MCTP1: variants seen among roughly 807,000 people sequenced by gnomAD.
MCTP1 encodes multiple C2 and transmembrane domain-containing protein 1.
Under a neutral mutation model 120.6 loss-of-function variants are expected in MCTP1, and 69 were observed. The observed-to-expected ratio is 0.57, with a 90% CI of 0.47 to 0.70. The LOEUF (loss-of-function observed/expected upper bound fraction) is 0.70, where lower values mean the gene tolerates loss of function less well. Among genes scored for constraint, MCTP1 ranks in the 30% least tolerant of loss-of-function variants. MCTP1 has a pLI of 0.00. For synonymous variants in MCTP1, 529 were observed against 493.1 expected (o/e 1.07, Z -0.96); for missense variants, 1,203 against 1,248.8 (o/e 0.96, Z 0.55).
At chr5:94,992,642 T>C (rs1477477467) in intron 2 of MCTP1, among the ~76,000 whole-genome samples, 2 of 152,142 alleles carry the variant, frequency 1.3e-5, no homozygotes, top group East Asian at 3.9e-4. Context: ...TCTTTGGGAG[T>C]AGGGCTTAAC....
At chr5:95,183,143 A>G (rs192509369) in intron 1 of MCTP1, among the ~76,000 whole-genome samples, 2 of 152,274 alleles carry the variant, frequency 1.3e-5, no homozygotes, top group East Asian at 3.9e-4. Context: ...AGATCCATAC[A>G]TAAGTGGTTA....
At chr5:95,047,597 G>A (rs1477657157) in intron 1 of MCTP1, among the ~76,000 whole-genome samples, 1 of 151,962 alleles carries the variant, frequency 6.6e-6, no homozygotes, top group Non-Finnish European at 1.5e-5. Flanking sequence ...GAAGATGAAA[G>A]GCCATTATTA....
At chr5:94,816,548 A>G (rs980067340) in intron 17 of MCTP1, among the ~76,000 whole-genome samples, 11 of 152,306 alleles carry the variant, frequency 7.2e-5, no homozygotes, top group Admixed American at 4.6e-4. Context: ...TAAAATTATT[A>G]CCATGAAAGA....
At chr5:94,773,503 C>A (rs1774570276) in intron 19 of MCTP1, among the ~76,000 whole-genome samples, 1 of 152,128 alleles carries the variant, frequency 6.6e-6, no homozygotes, top group South Asian at 2.1e-4. Context: ...ATAGATATAT[C>A]ATGATAGTCT....
intron 1 of MCTP1, among the ~76,000 whole-genome samples, chr5:95,143,652 C>T (rs572798458): frequency 7.2e-5 from 11 of 152,228 alleles, no homozygotes; most frequent in Admixed American, 2.6e-4. Context: ...TGAGTACATG[C>T]GGCATTTGGT....
At chr5:95,007,545 G>A (rs1835013344) in intron 2 of MCTP1, among the ~76,000 whole-genome samples, 2 of 152,082 alleles carry the variant, frequency 1.3e-5, no homozygotes, top group Admixed American at 1.3e-4. Context: ...TACATTCTAA[G>A]GATAAAATTG....
At chr5:95,237,340 G>A (rs1755659674) in intron 1 of MCTP1, among the ~76,000 whole-genome samples, 1 of 152,172 alleles carries the variant, frequency 6.6e-6, no homozygotes, top group Admixed American at 6.5e-5. Flanking sequence ...TGGTGCAAAA[G>A]TAACCATTAA....
At chr5:95,082,238 T>A (rs904360413) in intron 1 of MCTP1, among the ~76,000 whole-genome samples, 1 of 152,134 alleles carries the variant, frequency 6.6e-6, no homozygotes, top group Non-Finnish European at 1.5e-5. Context: ...CAACTCAGGG[T>A]CCCCTTTTAT....
chr5:94,787,826 C>T (rs1325179941), intron 18 of MCTP1, among the ~76,000 whole-genome samples: 4 of 152,100 alleles, frequency 2.6e-5, no homozygotes, highest in African/African-American at 9.7e-5. Context: ...CTGGGTTAGC[C>T]AGGCACTTAC....
intron 1 of MCTP1, among the ~76,000 whole-genome samples, chr5:95,257,483 TG>T (rs1262825102): frequency 2.6e-5 from 4 of 152,172 alleles, no homozygotes; most frequent in African/African-American, 7.2e-5. Flanking sequence ...ATGCCTACAT[TG>T]TTTTTTTAAT....
intron 1 of MCTP1, among the ~76,000 whole-genome samples, chr5:95,109,348 A>C (rs1757300534): frequency 6.6e-6 from 1 of 152,208 alleles, no homozygotes; most frequent in African/African-American, 2.4e-5. Flanking sequence ...CAATTCTAAA[A>C]GTTCTATTCT....
At chr5:95,172,128 G>T (rs1489796171) in intron 1 of MCTP1, among the ~76,000 whole-genome samples, 4 of 152,192 alleles carry the variant, frequency 2.6e-5, no homozygotes, top group Non-Finnish European at 4.4e-5. Context: ...CCTTCTAACA[G>T]TCAGGACCCT....
chr5:95,137,257 C>T (rs139448097), intron 1 of MCTP1, among the ~76,000 whole-genome samples: 39 of 152,258 alleles, frequency 2.6e-4, no homozygotes, highest in South Asian at 1.9e-3. Flanking sequence ...GGATAGATTC[C>T]GCAATTGTTC....
intron 2 of MCTP1, among the ~76,000 whole-genome samples, chr5:95,003,633 C>G (rs1422522626): frequency 6.6e-6 from 1 of 152,182 alleles, no homozygotes; most frequent in East Asian, 1.9e-4. Context: ...GAAGAGAATA[C>G]AGTAGGTCCT....
At chr5:94,859,705 T>C (rs1168611999) in intron 17 of MCTP1, among the ~76,000 whole-genome samples, 1 of 151,778 alleles carries the variant, frequency 6.6e-6, no homozygotes, top group African/African-American at 2.4e-5. Flanking sequence ...TATCTGAACT[T>C]CTACATTTAT....
chr5:94,791,552 C>T (rs865776727), intron 18 of MCTP1, among the ~76,000 whole-genome samples: 2 of 151,326 alleles, frequency 1.3e-5, no homozygotes, highest in Non-Finnish European at 1.5e-5. Flanking sequence ...AATTAAAACT[C>T]GTGGTGGGCT....
At chr5:95,153,229 C>T (rs1319096058) in intron 1 of MCTP1, among the ~76,000 whole-genome samples, 1 of 152,146 alleles carries the variant, frequency 6.6e-6, no homozygotes, top group Admixed American at 6.6e-5. Context: ...AAATGTTTGG[C>T]ATTCCCCCCG....
At chr5:95,196,509 A>T (rs1373721995) in intron 1 of MCTP1, among the ~76,000 whole-genome samples, 7 of 152,212 alleles carry the variant, frequency 4.6e-5, no homozygotes, top group Admixed American at 4.6e-4. Flanking sequence ...GTCAGCTGGG[A>T]ATACAATAAT....
chr5:95,138,500 G>C (rs752502486), intron 1 of MCTP1, among the ~76,000 whole-genome samples: 4 of 152,076 alleles, frequency 2.6e-5, no homozygotes. Context: ...TGTTCTTTCC[G>C]TTTAAGTTTC....
Sources: gnomAD v4.1 joint callset for allele counts (sites outside exome capture counted in the v4.1 genomes callset) on GRCh38, gnomAD v4.1.1 for gene constraint, MANE v1.5 for transcripts, NCBI Gene and HGNC (gene_info 2026-07-23, HGNC 2026-07-21) for gene names.